The following RNF19B variants were observed in gnomAD, a reference collection of about 807,000 sequenced individuals.
The protein encoded by RNF19B is E3 ubiquitin-protein ligase RNF19B.
RNF19B carries 23 observed loss-of-function variants against 65.5 expected under a neutral mutation model. The observed-to-expected ratio is 0.35, with a 90% CI of 0.25 to 0.50. The LOEUF is 0.50. RNF19B is among the 20% of genes least tolerant of loss of function. The pLI is 0.98. For synonymous variants in RNF19B, 372 were observed against 379.6 expected, an observed-to-expected ratio of 0.98 and a Z score of 0.23; for missense variants, 794 against 980.0, an observed-to-expected ratio of 0.81 and a Z score of 2.53.
At chr1:32,951,850 C>A (rs940768007) in intron 1 of RNF19B, among the ~76,000 whole-genome samples, 1 of 150,944 alleles carries the variant, frequency 6.6e-6, no homozygotes. Context: ...CAGGATGGAG[C>A]GCAGTGGCGT....
At chr1:32,951,957 GCT>G (rs1642511185) in intron 1 of RNF19B, among the ~76,000 whole-genome samples, 2 of 141,024 alleles carry the variant, frequency 1.4e-5, no homozygotes, top group South Asian at 4.5e-4. Flanking sequence ...ACCACGCCCG[GCT>G]TTTTTTTTTT....
chr1:32,931,448 A>G (rs1003704462), downstream of RNF19B, among the ~76,000 whole-genome samples: 4 of 152,170 alleles, frequency 2.6e-5, no homozygotes, highest in South Asian at 2.1e-4. Context: ...AGAACCAGCC[A>G]TATCTATAAG....
chr1:32,948,568 T>C (rs1346215584), intron 2 of RNF19B, among the ~76,000 whole-genome samples: 1 of 152,186 alleles, frequency 6.6e-6, no homozygotes, highest in Non-Finnish European at 1.5e-5. Flanking sequence ...CTGTCTCTTA[T>C]TGAGCTGCCT....
At chr1:32,953,605 C>T (rs194652) in intron 1 of RNF19B, among the ~76,000 whole-genome samples, 52,713 of 151,766 alleles carry the variant, frequency 0.35, 9,489 homozygotes, top group Admixed American at 0.43. Context: ...AAAGTGAGAA[C>T]AGGTCAGTCT....
In RNF19B at chr1:32,944,106, G is replaced by C. The variant is rs1642308152; in HGVS notation, c.1315C>G (p.Leu439Val). 4 of 1,614,062 alleles carry C rather than the reference G, an allele frequency of 2.5e-6. No individual in the cohort carries two copies. Among genetic ancestry groups the C allele is most frequent in the Non-Finnish European group, 3.4e-6 (4 of 1,179,980 alleles). Reference protein sequence around the residue: ...AYVYGVVPISLCRGGGCGVST... With the variant: ...AYVYGVVPISVCRGGGCGVST... ...ACTCCACAGCCGCCTCCACGACAAAGAGAAATGGGCACAACCCCATAAACA... is the reference window on the plus strand; with the variant it reads ...ACTCCACAGCCGCCTCCACGACAAACAGAAATGGGCACAACCCCATAAACA... Residue 439 changes from leucine to valine, a missense_variant, in exon 6 of 9, where the codon CTT becomes GTT. Transcript: ENST00000235150.
At chr1:32,938,195 C>G in intron 8 of RNF19B, 1 of 311,016 alleles carries the variant, frequency 3.2e-6, no homozygotes, top group Non-Finnish European at 5.8e-6. Flanking sequence ...GAAAAGAAAT[C>G]TCTAAAAATC....
At chr1:32,954,602 G>A (rs1642589517) in intron 1 of RNF19B, among the ~76,000 whole-genome samples, 1 of 151,812 alleles carries the variant, frequency 6.6e-6, no homozygotes, top group South Asian at 2.1e-4. Flanking sequence ...AGCCAGGCAT[G>A]GTGGCGCATG....
At chr1:32,952,192 C>T (rs1642516760) in intron 1 of RNF19B, among the ~76,000 whole-genome samples, 1 of 151,886 alleles carries the variant, frequency 6.6e-6, no homozygotes, top group Non-Finnish European at 1.5e-5. Flanking sequence ...GAATTAGTCT[C>T]ACACAAACAA....
chr1:32,948,169 A>C, intron 3 of RNF19B, 53 bp downstream of exon 3: 1 of 1,585,246 alleles, frequency 6.3e-7, no homozygotes, highest in Non-Finnish European at 8.6e-7. Flanking sequence ...CCTTTTCCCT[A>C]AATCAGTAAG....
intron 1 of RNF19B, among the ~76,000 whole-genome samples, chr1:32,952,815 A>T (rs1390765290): frequency 6.6e-6 from 1 of 150,388 alleles, no homozygotes; most frequent in Admixed American, 6.6e-5. Flanking sequence ...TGGGAGGCTG[A>T]GGTGGGAGGA....
chr1:32,944,889 C>T (rs779749165), intron 5 of RNF19B, among the ~76,000 whole-genome samples: 9 of 151,988 alleles, frequency 5.9e-5, no homozygotes, highest in Non-Finnish European at 1.3e-4. Context: ...GGGGTTTCAC[C>T]GTGTTAGCCA....
chr1:32,943,572 C>G (rs1021124227), intron 6 of RNF19B, among the ~76,000 whole-genome samples: 1 of 150,854 alleles, frequency 6.6e-6, no homozygotes, highest in Non-Finnish European at 1.5e-5. Context: ...ACCGAGATCG[C>G]GACATCGTAC....
At position 32,938,542 on chromosome 1, in the gene RNF19B, G is replaced by A; in HGVS notation, c.1611-14C>T. The A allele has an allele frequency of 6.2e-7, 1 of 1,612,460 alleles. No individual in the cohort carries two copies. Among genetic ancestry groups the A allele is most frequent in the Non-Finnish European group, 8.5e-7 (1 of 1,178,752 alleles). On this transcript the variant is annotated splice_polypyrimidine_tract_variant and intron_variant, in intron 7 of 8. Coordinates refer to ENST00000235150, the MANE Select transcript of RNF19B (RefSeq NM_001300826.2). ...TGAACTTCTAACCTGTGTAAAGAGG[G>A]GACGTTCAAGTTAATATGAGACCTG...
At chr1:32,929,321 A>G in the RNF19B span, among the ~76,000 whole-genome samples, 2 of 152,164 alleles carry the variant, frequency 1.3e-5, no homozygotes, top group Non-Finnish European at 1.5e-5. Context: ...CTATGCCAAT[A>G]AGACCTCATC....
chr1:32,949,606 G>A lies in RNF19B; in HGVS notation c.804C>T (p.His268=). 1 of 1,614,012 alleles carries A rather than the reference G, an allele frequency of 6.2e-7. No homozygotes were observed. Among genetic ancestry groups the A allele is most frequent in the African/African-American group, 1.3e-5 (1 of 75,004 alleles). The change falls in exon 2 of 9, where the codon CAC becomes CAT. Residue 268 remains histidine, a synonymous_variant. Transcript: ENST00000235150. ...RAQTLRVRTK[H]TSGLSYGQES... Reference sequence around the variant, plus strand: ...CTTGCCCATAACTGAGACCTGAAGTGTGTTTGGTCCGAACTCGTAAAGTCT... The same window carrying A: ...CTTGCCCATAACTGAGACCTGAAGTATGTTTGGTCCGAACTCGTAAAGTCT...
intron 1 of RNF19B, among the ~76,000 whole-genome samples, chr1:32,957,393 A>G (rs911997350): frequency 2.0e-5 from 3 of 152,220 alleles, no homozygotes; most frequent in Admixed American, 6.5e-5. Context: ...AGTATTTATC[A>G]TATGACATTT....
intron 1 of RNF19B, among the ~76,000 whole-genome samples, chr1:32,953,564 A>T (rs1005757461): frequency 6.6e-6 from 1 of 152,078 alleles, no homozygotes; most frequent in Non-Finnish European, 1.5e-5. Context: ...TATATAATAC[A>T]GGCTGTATTA....
chr1:32,960,613 GCA>G (rs1424838388), intron 1 of RNF19B, among the ~76,000 whole-genome samples: 1 of 152,108 alleles, frequency 6.6e-6, no homozygotes, highest in African/African-American at 2.4e-5. Flanking sequence ...TCCAGCCTGG[GCA>G]CAGAGTGAGA....
chr1:32,934,902 G>A (rs909822436), downstream of RNF19B, among the ~76,000 whole-genome samples: 5 of 151,894 alleles, frequency 3.3e-5, no homozygotes, highest in South Asian at 2.1e-4. Context: ...GCGCGATCTC[G>A]GCTCACTGCA....
Sources: allele counts gnomAD v4.1 joint callset (sites outside exome capture counted in the v4.1 genomes callset), GRCh38; gene constraint gnomAD v4.1.1; transcripts MANE v1.5; gene names NCBI Gene and HGNC (gene_info 2026-07-23, HGNC 2026-07-21).